The following ATG5 variants were observed in gnomAD, a reference collection of about 807,000 sequenced individuals.
The protein encoded by ATG5 is autophagy protein 5.
Under a neutral mutation model 36.5 loss-of-function variants are expected in ATG5, and 14 were observed. The ratio of observed to expected loss-of-function variants is 0.38; its 90% CI spans 0.25 to 0.60. The LOEUF (loss-of-function observed/expected upper bound fraction) is 0.60, where lower values mean the gene tolerates loss of function less well. Ranked by LOEUF, ATG5 falls within the 20% of genes least tolerant of loss-of-function variation. The probability of loss-of-function intolerance (pLI) is 0.60; values close to 1 mark genes in which losing one functional copy is unlikely to be tolerated. For synonymous variants in ATG5, 95 were observed against 101.5 expected (o/e 0.94, Z 0.38); for missense variants, 195 against 326.7 (o/e 0.60, Z 3.11).
chr6:106,319,705 C>G (rs62422888), intron 1 of ATG5, among the ~76,000 whole-genome samples: 2,965 of 152,220 alleles, frequency 0.019, 44 homozygotes, highest in Non-Finnish European at 0.031. Flanking sequence ...AAGTTTTTAT[C>G]AATAGTATTT....
chr6:106,320,443 T>C (rs554416922), intron 1 of ATG5, among the ~76,000 whole-genome samples: 1 of 152,268 alleles, frequency 6.6e-6, no homozygotes, highest in Admixed American at 6.5e-5. Context: ...AGGTGCAATA[T>C]ATATGCCAAC....
intron 6 of ATG5, among the ~76,000 whole-genome samples, chr6:106,242,011 T>A (rs552177416): frequency 6.6e-6 from 1 of 152,106 alleles, no homozygotes; most frequent in African/African-American, 2.4e-5. Context: ...TTATTCACAA[T>A]AGCCAAAAGG....
At position 106,186,382 on chromosome 6, in the gene ATG5, G is replaced by C. The variant is rs1775769196; in HGVS notation, c.*158C>G. On this transcript the variant is annotated 3_prime_UTR_variant, in exon 8 of 8. Coordinates refer to ENST00000369076, the MANE Select transcript of ATG5 (RefSeq NM_004849.4). ...GGTGATGCAAAGTAAGACCAGCCCAGTTGCCTTATCTGACATGGAATCTTT... is the reference window on the plus strand; with the variant it reads ...GGTGATGCAAAGTAAGACCAGCCCACTTGCCTTATCTGACATGGAATCTTT... 2 of 791,750 alleles carry C rather than the reference G, an allele frequency of 2.5e-6. No individual in the cohort carries two copies. The highest frequency in any genetic ancestry group is 4.0e-6 in the Non-Finnish European group (2 of 505,136). The allele number at this position is 791,750 out of a possible 1,614,324, so 49.0% of individuals were successfully genotyped here.
intron 4 of ATG5, among the ~76,000 whole-genome samples, chr6:106,282,375 T>C (rs1256407831): frequency 1.3e-5 from 2 of 152,246 alleles, no homozygotes; most frequent in Non-Finnish European, 2.9e-5. Context: ...TGTGTAAAAC[T>C]GTGGTATGGT....
At chr6:106,218,795 T>C (rs1187573066) in intron 6 of ATG5, among the ~76,000 whole-genome samples, 1 of 152,212 alleles carries the variant, frequency 6.6e-6, no homozygotes, top group Non-Finnish European at 1.5e-5. Context: ...AAGTAACAGA[T>C]AATTACCTTT....
At chr6:106,225,590 T>C (rs1237812293) in intron 6 of ATG5, among the ~76,000 whole-genome samples, 1 of 152,332 alleles carries the variant, frequency 6.6e-6, no homozygotes, top group Admixed American at 6.5e-5. Context: ...TCATCAGTAA[T>C]AGCAGAGTGA....
intron 5 of ATG5, among the ~76,000 whole-genome samples, chr6:106,268,024 A>G (rs937954430): frequency 2.6e-5 from 4 of 152,030 alleles, no homozygotes; most frequent in Admixed American, 6.5e-5. Context: ...TCTGCACAGC[A>G]AAAGAAACTA....
chr6:106,240,248 TA>T (rs1169275032), intron 6 of ATG5, among the ~76,000 whole-genome samples: 3 of 150,794 alleles, frequency 2.0e-5, no homozygotes, highest in Admixed American at 2.0e-4. Flanking sequence ...ATAGATATCA[TA>T]AAAATCAAGA....
chr6:106,199,839 T>G (rs974516045), intron 7 of ATG5, among the ~76,000 whole-genome samples: 1 of 152,188 alleles, frequency 6.6e-6, no homozygotes, highest in Non-Finnish European at 1.5e-5. Flanking sequence ...ACTGGATTGT[T>G]TGGCAAACAT....
At position 106,184,604 on chromosome 6, in the gene ATG5, T is replaced by A. The variant is rs988016542; in HGVS notation, c.*1936A>T. ...TAGGGCATTGTAGGCTTGACTTACC[T>A]GGGATTAGAGTAATAAAGCTATGAT... On this transcript the variant is annotated 3_prime_UTR_variant, in exon 8 of 8. Transcript: ENST00000369076. 1 of 152,304 alleles carries A rather than the reference T, an allele frequency of 6.6e-6. No homozygotes were observed. The highest frequency in any genetic ancestry group is 1.5e-5 in the Non-Finnish European group (1 of 68,010). The allele number at this position is 152,304 out of a possible 1,614,324, so 9.4% of individuals were successfully genotyped here. A position where few individuals can be genotyped will look rare whatever the true frequency, so the allele number is the denominator to read the frequency against.
chr6:106,268,952 C>T (rs990285371), intron 5 of ATG5, among the ~76,000 whole-genome samples: 1 of 152,102 alleles, frequency 6.6e-6, no homozygotes, highest in African/African-American at 2.4e-5. Context: ...ACATAGATGA[C>T]GGGTTGATAG....
At chr6:106,314,324 A>C (rs1770760889) in intron 2 of ATG5, among the ~76,000 whole-genome samples, 1 of 152,178 alleles carries the variant, frequency 6.6e-6, no homozygotes, top group Non-Finnish European at 1.5e-5. Context: ...TGGAAGGCCG[A>C]GGCGGGCAGA....
chr6:106,219,193 C>T (rs1414752190), intron 6 of ATG5, among the ~76,000 whole-genome samples: 1 of 152,064 alleles, frequency 6.6e-6, no homozygotes, highest in Admixed American at 6.6e-5. Flanking sequence ...AGAGTAAGTA[C>T]TACATTGGAT....
At chr6:106,247,830 T>C (rs1778405291) in intron 6 of ATG5, among the ~76,000 whole-genome samples, 1 of 152,164 alleles carries the variant, frequency 6.6e-6, no homozygotes, top group South Asian at 2.1e-4. Flanking sequence ...TGCTGGGAAA[T>C]GAGCATCAGG....
chr6:106,289,196 C>A (rs1226293281), intron 4 of ATG5, among the ~76,000 whole-genome samples: 1 of 152,148 alleles, frequency 6.6e-6, no homozygotes, highest in African/African-American at 2.4e-5. Flanking sequence ...ACTTTAAAAA[C>A]CACTTCCTCA....
intron 4 of ATG5, among the ~76,000 whole-genome samples, chr6:106,285,712 T>C (rs1427365432): frequency 6.6e-6 from 1 of 152,366 alleles, no homozygotes; most frequent in South Asian, 2.1e-4. Context: ...ACAATATGTA[T>C]ATGAATTTCC....
intron 4 of ATG5, among the ~76,000 whole-genome samples, chr6:106,280,870 C>A (rs1256341924): frequency 6.6e-6 from 1 of 152,082 alleles, no homozygotes; most frequent in Non-Finnish European, 1.5e-5. Context: ...ACATTTTAAC[C>A]ACTGTACAAT....
intron 5 of ATG5, among the ~76,000 whole-genome samples, chr6:106,267,223 T>C (rs1277230382): frequency 6.6e-6 from 1 of 152,150 alleles, no homozygotes; most frequent in Admixed American, 6.5e-5. Flanking sequence ...AGTCAAATCA[T>C]GAGTGAACTC....
intron 2 of ATG5, among the ~76,000 whole-genome samples, chr6:106,312,446 G>A (rs998448830): frequency 6.6e-6 from 1 of 151,906 alleles, no homozygotes; most frequent in Admixed American, 6.6e-5. Flanking sequence ...CAAATATATA[G>A]GTTTGGAGCT....
Sources: gnomAD v4.1 joint callset for allele counts (sites outside exome capture counted in the v4.1 genomes callset) on GRCh38, gnomAD v4.1.1 for gene constraint, MANE v1.5 for transcripts, NCBI Gene and HGNC (gene_info 2026-07-23, HGNC 2026-07-21) for gene names.